Variants in ZNF25 observed in about 807,000 individuals in gnomAD.
The protein encoded by ZNF25 is zinc finger protein 25, also known as zinc finger protein 25 (KOX 19).
A neutral mutation model predicts 30.9 loss-of-function variants in ZNF25; 21 were observed. The observed-to-expected ratio is 0.68, with a 90% confidence interval of 0.48 to 0.98. The LOEUF (loss-of-function observed/expected upper bound fraction) is 0.98, where lower values mean the gene tolerates loss of function less well. Ranked by LOEUF, ZNF25 falls within the 50% of genes least tolerant of loss-of-function variation. The probability of loss-of-function intolerance (pLI) is 0.00; values close to 1 mark genes in which losing one functional copy is unlikely to be tolerated. For synonymous variants in ZNF25, 169 were observed against 181.3 expected (o/e 0.93, Z 0.55); for missense variants, 501 against 529.9 (o/e 0.95, Z 0.54).
At chr10:37,968,515 C>T (rs1175254084) in intron 2 of ZNF25, among the ~76,000 whole-genome samples, 2 of 152,098 alleles carry the variant, frequency 1.3e-5, no homozygotes, top group African/African-American at 4.8e-5. Flanking sequence ...ACCACCAAGC[C>T]CAGCTAATTT....
In ZNF25 at chr10:37,952,040, T is replaced by G. The variant is rs546963882; in HGVS notation, c.*87A>C. The G allele has an allele frequency of 7.7e-7, 1 of 1,290,898 alleles. No homozygotes were observed. Among genetic ancestry groups the G allele is most frequent in the Non-Finnish European group, 1.1e-6 (1 of 942,736 alleles). The allele number at this position is 1,290,898 out of a possible 1,614,324, so 80.0% of individuals were successfully genotyped here. On this transcript the variant is annotated 3_prime_UTR_variant, in exon 6 of 6. Transcript: ENST00000302609. ...ATTGTAGCTGAAAATTTCCCTCTAT[T>G]GATGCGATTCATAAGGTGTACCTCT... is the stretch of plus-strand genomic sequence containing the variant.
intron 2 of ZNF25, among the ~76,000 whole-genome samples, chr10:37,959,174 T>C (rs1590222031): frequency 1.3e-5 from 2 of 152,324 alleles, no homozygotes; most frequent in Non-Finnish European, 2.9e-5. Flanking sequence ...ATTCACTGTG[T>C]AGATGAAAAT....
At position 37,951,297 on chromosome 10, in the gene ZNF25, T is replaced by A. The variant is rs1295389644; in HGVS notation, c.*830A>T. 1 of 152,478 alleles carries A rather than the reference T, an allele frequency of 6.6e-6. No homozygotes were observed. Among genetic ancestry groups the A allele is most frequent in the African/African-American group, 2.4e-5 (1 of 41,460 alleles). 9.4% of individuals were successfully genotyped at this position (152,478 alleles called of 1,614,324 possible). ...GAACTAAGATTATATTATTTCGCTATGTACCATTATGGATGGATTCCACAT... is the reference window on the plus strand; with the variant it reads ...GAACTAAGATTATATTATTTCGCTAAGTACCATTATGGATGGATTCCACAT... On this transcript the variant is annotated 3_prime_UTR_variant, in exon 6 of 6. Transcript: ENST00000302609.
rs376141532 is a variant in ZNF25 at position 37,966,369 on chromosome 10, G to A, written c.15+5339C>T. Among the ~76,000 whole-genome samples the A allele has an allele frequency of 1.6e-4, 24 of 151,252 alleles. No individual in the cohort carries two copies. In the East Asian group the frequency reaches 2.1e-3, roughly 13 times the overall value. On this transcript the variant is annotated intron_variant, in intron 2 of 5. Coordinates refer to ENST00000302609, the MANE Select transcript of ZNF25 (RefSeq NM_145011.4). ...GTGGAGGTTGCAGTGAGCCAAGATCGCACCACTGCACTCCAGCCTGGGTGA... is the reference window on the plus strand; with the variant it reads ...GTGGAGGTTGCAGTGAGCCAAGATCACACCACTGCACTCCAGCCTGGGTGA...
chr10:37,952,744 G>A lies in ZNF25; in HGVS notation c.754C>T (p.His252Tyr). 4 of 1,614,030 alleles carry A rather than the reference G, an allele frequency of 2.5e-6. No homozygotes were observed. The highest frequency in any genetic ancestry group is 3.4e-6 in the Non-Finnish European group (4 of 1,180,000). ...KAYLMVHQKT[H>Y]TGEKPYECKE... ...CACTCATAGGGTTTCTCCCCTGTGT[G>A]TGTTTTCTGATGTACCATGAGGTAT... The change falls in exon 6 of 6, where the codon CAC becomes TAC. Residue 252 changes from histidine to tyrosine, a missense_variant. His to Tyr is a moderately conservative substitution (Grantham distance 83). Transcript: ENST00000302609.
intron 1 of ZNF25, among the ~76,000 whole-genome samples, chr10:37,975,539 A>C (rs879779068): frequency 1.3e-5 from 2 of 152,202 alleles, no homozygotes; most frequent in Non-Finnish European, 2.9e-5. Context: ...CATCTTTAAA[A>C]AAATTTTTTG....
chr10:37,952,700 G>A lies in ZNF25; in HGVS notation c.798C>T (p.Ala266=), dbSNP rs573300817. 1 of 1,611,804 alleles carries A rather than the reference G, an allele frequency of 6.2e-7. No homozygotes were observed. ...CTGTGAGGTGTGACTTCTGGGAAAA[G>A]GCTTTCCCACACTCCTTACACTCAT... is the stretch of plus-strand genomic sequence containing the variant. ...KPYECKECGK[A]FSQKSHLTVH... is the part of the protein sequence containing the mutation. Residue 266 remains alanine, a synonymous_variant, in exon 6 of 6, where the codon GCC becomes GCT. Coordinates refer to ENST00000302609, the MANE Select transcript of ZNF25 (RefSeq NM_145011.4).
At chr10:37,973,168 C>CAA (rs763901405) in intron 1 of ZNF25, among the ~76,000 whole-genome samples, 2 of 123,878 alleles carry the variant, frequency 1.6e-5, no homozygotes, top group African/African-American at 6.0e-5. Flanking sequence ...AACTCTATCT[C>CAA]AAAAAAAAAA....
At chr10:37,959,909 C>T (rs1026565554) in intron 2 of ZNF25, among the ~76,000 whole-genome samples, 5 of 152,014 alleles carry the variant, frequency 3.3e-5, no homozygotes, top group East Asian at 1.9e-4. Flanking sequence ...CATGCCCAAC[C>T]GGTTTTTTTG....
At chr10:37,953,651 T>C in intron 5 of ZNF25, 44 bp downstream of exon 5, 2 of 1,588,550 alleles carry the variant, frequency 1.3e-6, no homozygotes, top group Non-Finnish European at 1.7e-6. Flanking sequence ...TTTAAGACTC[T>C]TGCTTACAAA....
intron 2 of ZNF25, chr10:37,967,798 A>G (rs1331983224): frequency 6.6e-6 from 1 of 152,222 alleles, no homozygotes; most frequent in Non-Finnish European, 1.5e-5. Context: ...CAATACCCAC[A>G]TGCGTGAGTT....
intron 2 of ZNF25, among the ~76,000 whole-genome samples, chr10:37,971,037 C>G (rs2063459939): frequency 6.6e-6 from 1 of 152,126 alleles, no homozygotes; most frequent in African/African-American, 2.4e-5. Context: ...CATTTGTGGC[C>G]TGGCGCAGTA....
At chr10:37,968,416 C>T (rs1208658) in intron 2 of ZNF25, among the ~76,000 whole-genome samples, 117,809 of 150,418 alleles carry the variant, frequency 0.78, 46,267 homozygotes, top group South Asian at 0.87. Flanking sequence ...AATGCAGTGG[C>T]GCCATCTCGA....
chr10:37,961,105 C>T (rs113166829), intron 2 of ZNF25, among the ~76,000 whole-genome samples: 3 of 152,088 alleles, frequency 2.0e-5, no homozygotes, highest in African/African-American at 4.8e-5. Flanking sequence ...CCAGTATAAA[C>T]CAAGAGCTGA....
rs2062043656 is a variant in ZNF25, at chr10:37,949,650, A to G, written c.*2477T>C. 6.6e-6 allele frequency: 1 copy of G among 152,224 alleles called. No individual in the cohort carries two copies. The highest frequency in any genetic ancestry group is 2.4e-5 in the African/African-American group (1 of 41,456). The allele number at this position is 152,224 out of a possible 1,614,324, so 9.4% of individuals were successfully genotyped here. A position where few individuals can be genotyped will look rare whatever the true frequency, so the allele number is the denominator to read the frequency against. On this transcript the variant is annotated 3_prime_UTR_variant, in exon 6 of 6. Coordinates refer to ENST00000302609, the MANE Select transcript of ZNF25 (RefSeq NM_145011.4). ...TGTAGCAGCATATGACAATTACATGAAGTGCAGGCAATAATTTTATAGATT... is the reference window on the plus strand; with the variant it reads ...TGTAGCAGCATATGACAATTACATGGAGTGCAGGCAATAATTTTATAGATT...
intron 3 of ZNF25, 78 bp downstream of exon 3, chr10:37,957,342 T>C (rs2062596358): frequency 2.0e-6 from 3 of 1,526,130 alleles, no homozygotes; most frequent in Admixed American, 1.9e-5. Context: ...TTCAACCCTA[T>C]AGGGACATTT....
chr10:37,971,597 T>C, intron 2 of ZNF25, 111 bp downstream of exon 2: 1 of 1,526,050 alleles, frequency 6.6e-7, no homozygotes, highest in Non-Finnish European at 8.9e-7. Flanking sequence ...GTTTCTAATT[T>C]AGTATATGGG....
At chr10:37,973,968 T>TA (rs775424670) in intron 1 of ZNF25, among the ~76,000 whole-genome samples, 1 of 152,074 alleles carries the variant, frequency 6.6e-6, no homozygotes, top group Non-Finnish European at 1.5e-5. Flanking sequence ...GAGAAATAAA[T>TA]ACATGCATTT....
intron 2 of ZNF25, among the ~76,000 whole-genome samples, chr10:37,969,845 C>T (rs1251274793): frequency 6.6e-6 from 1 of 152,152 alleles, no homozygotes; most frequent in East Asian, 1.9e-4. Context: ...TTGGTGAATT[C>T]AATCAAACAA....
Sources: gnomAD v4.1 joint callset for allele counts (sites outside exome capture counted in the v4.1 genomes callset) on GRCh38, gnomAD v4.1.1 for gene constraint, MANE v1.5 for transcripts, NCBI Gene and HGNC (gene_info 2026-07-23, HGNC 2026-07-21) for gene names.